RPH3A: variants seen among roughly 807,000 people sequenced by gnomAD.
RPH3A encodes the protein rabphilin-3A.
In RPH3A, 48 loss-of-function variants were observed where a neutral mutation model predicts 102.2. The observed-to-expected ratio is 0.47, with a 90% CI of 0.37 to 0.60. RPH3A has a LOEUF of 0.60. Among genes scored for constraint, RPH3A ranks in the 20% least tolerant of loss-of-function variants. The pLI is 0.00. For missense variants in RPH3A, 781 were observed against 910.1 expected (o/e 0.86, Z 1.83); for synonymous variants, 310 against 324.3 (o/e 0.96, Z 0.47).
intron 1 of RPH3A, chr12:112,694,963 T>G (rs929612115): frequency 1.8e-5 from 3 of 170,210 alleles, no homozygotes; most frequent in Non-Finnish European, 4.4e-5. Context: ...TCTCATCCCT[T>G]CTAGCAGTTT....
chr12:112,866,600 G>A (rs2042614888), intron 6 of RPH3A, among the ~76,000 whole-genome samples, 157 bp from the exon 7 acceptor site: 1 of 152,114 alleles, frequency 6.6e-6, no homozygotes, highest in African/African-American at 2.4e-5. Flanking sequence ...ACTCAAATTG[G>A]AGTTTTATTC....
chr12:112,725,657 C>T (rs2040583225), intron 1 of RPH3A, among the ~76,000 whole-genome samples: 1 of 152,086 alleles, frequency 6.6e-6, no homozygotes, highest in African/African-American at 2.4e-5. Flanking sequence ...CTTCTGGCCA[C>T]GGTGATTGGT....
intron 2 of RPH3A, among the ~76,000 whole-genome samples, chr12:112,801,917 G>A (rs1299238226): frequency 4.6e-5 from 7 of 152,068 alleles, no homozygotes; most frequent in Non-Finnish European, 1.0e-4. Flanking sequence ...TTTCCACTCA[G>A]CAGTATGTTT....
At chr12:112,674,029 A>C (rs1034341164) in intron 1 of RPH3A, among the ~76,000 whole-genome samples, 6 of 152,114 alleles carry the variant, frequency 3.9e-5, no homozygotes, top group African/African-American at 1.4e-4. Context: ...AAAGTGCTGG[A>C]ATTACAGGTG....
At chr12:112,740,201 G>A (rs1370375982) in intron 1 of RPH3A, among the ~76,000 whole-genome samples, 1 of 152,106 alleles carries the variant, frequency 6.6e-6, no homozygotes, top group South Asian at 2.1e-4. Flanking sequence ...TCTACCTAAG[G>A]TATTTGTGAG....
At chr12:112,654,240 G>A (rs1322825200) in intron 1 of RPH3A, among the ~76,000 whole-genome samples, 1 of 152,136 alleles carries the variant, frequency 6.6e-6, no homozygotes, top group African/African-American at 2.4e-5. Flanking sequence ...AATACACCAT[G>A]AACATTCCCC....
chr12:112,747,512 A>G (rs1458760657), intron 1 of RPH3A, among the ~76,000 whole-genome samples: 1 of 152,136 alleles, frequency 6.6e-6, no homozygotes, highest in Non-Finnish European at 1.5e-5. Context: ...GTGCCTTTTA[A>G]TGACATTTCT....
intron 1 of RPH3A, among the ~76,000 whole-genome samples, chr12:112,782,249 C>A (rs1314349753): frequency 6.6e-6 from 1 of 152,276 alleles, no homozygotes; most frequent in Non-Finnish European, 1.5e-5. Context: ...GAGGCTCAGT[C>A]TTCTCATCTG....
chr12:112,646,952 C>G (rs371649690), intron 1 of RPH3A, among the ~76,000 whole-genome samples: 1 of 152,044 alleles, frequency 6.6e-6, no homozygotes, highest in East Asian at 1.9e-4. Flanking sequence ...GGTATGCATC[C>G]CATAGTTTGG....
chr12:112,754,031 C>T (rs575162823), intron 1 of RPH3A, among the ~76,000 whole-genome samples: 28 of 152,222 alleles, frequency 1.8e-4, no homozygotes, highest in Middle Eastern at 3.4e-3. Flanking sequence ...CTGGAAAAGA[C>T]GTGGCAATGA....
At chr12:112,790,808 A>G (rs2041091038), upstream of RPH3A, among the ~76,000 whole-genome samples, 1 of 152,180 alleles carries the variant, frequency 6.6e-6, no homozygotes, top group South Asian at 2.1e-4. Flanking sequence ...ATTCTACTCA[A>G]ACCACCTGCT....
intron 5 of RPH3A, among the ~76,000 whole-genome samples, chr12:112,853,216 C>T (rs2042352796): frequency 6.6e-6 from 1 of 152,176 alleles, no homozygotes; most frequent in Non-Finnish European, 1.5e-5. Context: ...TGTCCTATGG[C>T]TTGACAAGCC....
At chr12:112,838,570 G>A (rs1234613981) in intron 4 of RPH3A, among the ~76,000 whole-genome samples, 1 of 152,234 alleles carries the variant, frequency 6.6e-6, no homozygotes, top group Non-Finnish European at 1.5e-5. Flanking sequence ...CAAGGGGAAG[G>A]GAGGGGGAGA....
intron 1 of RPH3A, among the ~76,000 whole-genome samples, chr12:112,643,708 G>C (rs1223721931): frequency 6.6e-6 from 1 of 152,218 alleles, no homozygotes. Context: ...GGTGATCTCA[G>C]AAAACAGGTC....
chr12:112,767,550 G>A (rs1023988693), intron 1 of RPH3A, among the ~76,000 whole-genome samples: 10 of 152,212 alleles, frequency 6.6e-5, no homozygotes, highest in African/African-American at 2.4e-4. Flanking sequence ...AGGAGCTTTA[G>A]TGATGCCACT....
At chr12:112,802,650 T>G (rs2041376706) in intron 2 of RPH3A, among the ~76,000 whole-genome samples, 1 of 151,920 alleles carries the variant, frequency 6.6e-6, no homozygotes, top group South Asian at 2.1e-4. Context: ...ATGTGTGTGT[T>G]CAGGAGTGGT....
chr12:112,830,838 G>A (rs781013301), intron 3 of RPH3A, among the ~76,000 whole-genome samples: 10 of 150,452 alleles, frequency 6.6e-5, no homozygotes, highest in Non-Finnish European at 1.2e-4. Context: ...GTCCTCTTAC[G>A]TTTCAGGTAA....
At chr12:112,880,136 C>T (rs1020935649) in intron 14 of RPH3A, among the ~76,000 whole-genome samples, 1 of 152,092 alleles carries the variant, frequency 6.6e-6, no homozygotes, top group African/African-American at 2.4e-5. Context: ...CATTCCTTTG[C>T]CCAAGTCACT....
chr12:112,672,864 G>A (rs535954021), intron 1 of RPH3A, among the ~76,000 whole-genome samples: 1 of 152,266 alleles, frequency 6.6e-6, no homozygotes, highest in South Asian at 2.1e-4. Context: ...GTCTACTTTG[G>A]CTCCCAGAGT....
Sources: allele counts gnomAD v4.1 joint callset (sites outside exome capture counted in the v4.1 genomes callset), GRCh38; gene constraint gnomAD v4.1.1; transcripts MANE v1.5; gene names NCBI Gene and HGNC (gene_info 2026-07-23, HGNC 2026-07-21).